Variants in LPAR3 observed in about 807,000 individuals in gnomAD.
LPAR3 encodes the protein LPA receptor 3.
A neutral mutation model predicts 17.8 loss-of-function variants in LPAR3; 7 were observed. The observed-to-expected ratio is 0.39, with a 90% CI of 0.22 to 0.74. LPAR3 has a LOEUF of 0.74. LPAR3 is among the 30% of genes least tolerant of loss of function. The probability of loss-of-function intolerance (pLI) is 0.40; values close to 1 mark genes in which losing one functional copy is unlikely to be tolerated. For missense variants in LPAR3, 391 were observed against 453.4 expected, an observed-to-expected ratio of 0.86 and a Z score of 1.25; for synonymous variants, 179 against 179.9, an observed-to-expected ratio of 0.99 and a Z score of 0.04.
intron 2 of LPAR3, among the ~76,000 whole-genome samples, chr1:84,826,004 G>A (rs528286475): frequency 6.6e-6 from 1 of 152,160 alleles, no homozygotes; most frequent in South Asian, 2.1e-4. Flanking sequence ...TGACTTTCCT[G>A]AGTGTAAGGT....
chr1:84,869,263 TAA>T (rs1273142417), intron 1 of LPAR3, among the ~76,000 whole-genome samples: 1 of 152,190 alleles, frequency 6.6e-6, no homozygotes, highest in Non-Finnish European at 1.5e-5. Context: ...CAAAACAGTT[TAA>T]GACATGTTTT....
At chr1:84,851,496 A>G (rs1659711684) in intron 2 of LPAR3, among the ~76,000 whole-genome samples, 1 of 152,246 alleles carries the variant, frequency 6.6e-6, no homozygotes, top group Non-Finnish European at 1.5e-5. Context: ...GTCGGGTAAG[A>G]GAGGCACTTA....
At chr1:84,853,872 T>C (rs1394212125) in intron 2 of LPAR3, among the ~76,000 whole-genome samples, 1 of 152,240 alleles carries the variant, frequency 6.6e-6, no homozygotes, top group Non-Finnish European at 1.5e-5. Context: ...AGCTGTGGGC[T>C]GAAGACTGGC....
At chr1:84,887,367 C>A (rs1437440880) in intron 1 of LPAR3, among the ~76,000 whole-genome samples, 3 of 149,328 alleles carry the variant, frequency 2.0e-5, no homozygotes, top group African/African-American at 5.0e-5. Context: ...CAGAGTGAGA[C>A]CTTGTCTTAA....
chr1:84,847,262 G>A (rs1489948015), intron 2 of LPAR3, among the ~76,000 whole-genome samples: 2 of 152,126 alleles, frequency 1.3e-5, no homozygotes, highest in East Asian at 3.9e-4. Flanking sequence ...CTTCTGAAAT[G>A]TTTGTGCCTG....
chr1:84,830,721 A>G (rs1334961234), intron 2 of LPAR3, among the ~76,000 whole-genome samples: 1 of 152,200 alleles, frequency 6.6e-6, no homozygotes, highest in South Asian at 2.1e-4. Context: ...GTCAGAGAGG[A>G]AACACAGAGG....
intron 2 of LPAR3, among the ~76,000 whole-genome samples, chr1:84,814,470 A>G (rs1208791921): frequency 1.3e-5 from 2 of 152,316 alleles, no homozygotes; most frequent in South Asian, 2.1e-4. Flanking sequence ...GTGCACATGC[A>G]TGATCTCCGT....
At chr1:84,815,739 G>C (rs1341925646) in intron 2 of LPAR3, among the ~76,000 whole-genome samples, 1 of 152,200 alleles carries the variant, frequency 6.6e-6, no homozygotes, top group African/African-American at 2.4e-5. Flanking sequence ...GTGAGGATCA[G>C]AGGTCATGGA....
At chr1:84,873,237 G>T (rs1209027207) in intron 1 of LPAR3, among the ~76,000 whole-genome samples, 4 of 152,138 alleles carry the variant, frequency 2.6e-5, no homozygotes, top group Non-Finnish European at 5.9e-5. Context: ...ATCCCTATCA[G>T]TTCATTAACT....
intron 2 of LPAR3, among the ~76,000 whole-genome samples, chr1:84,845,102 A>G (rs1307553199): frequency 1.3e-5 from 2 of 152,090 alleles, no homozygotes; most frequent in African/African-American, 4.8e-5. Context: ...AAATCTGGTA[A>G]CTCCTCCAGG....
chr1:84,889,144 G>A (rs1253195917), intron 1 of LPAR3, among the ~76,000 whole-genome samples: 5 of 152,060 alleles, frequency 3.3e-5, no homozygotes, highest in African/African-American at 1.2e-4. Context: ...GGGTGATGAA[G>A]AGAGGGGTGG....
intron 1 of LPAR3, 152 bp from the exon 2 acceptor site, chr1:84,866,290 G>A (rs1660048274): frequency 1.6e-6 from 1 of 625,628 alleles, no homozygotes; most frequent in Non-Finnish European, 2.8e-6. Flanking sequence ...CTTTGGTCCA[G>A]GACATAGCCC....
intron 1 of LPAR3, 36 bp from the exon 2 acceptor site, chr1:84,866,174 T>C: frequency 6.8e-7 from 1 of 1,476,916 alleles, no homozygotes; most frequent in Non-Finnish European, 9.1e-7. Flanking sequence ...AAATATCATT[T>C]GTAAAATCAG....
chr1:84,822,845 A>G (rs1395457538), intron 2 of LPAR3, among the ~76,000 whole-genome samples: 1 of 152,208 alleles, frequency 6.6e-6, no homozygotes, highest in African/African-American at 2.4e-5. Flanking sequence ...TTAATCAAAG[A>G]ACGTTGACAT....
chr1:84,820,356 T>G (rs375742142), intron 2 of LPAR3, among the ~76,000 whole-genome samples: 1 of 152,298 alleles, frequency 6.6e-6, no homozygotes. Flanking sequence ...CAGGTGAATG[T>G]GACTGAAATT....
intron 2 of LPAR3, among the ~76,000 whole-genome samples, chr1:84,831,380 C>T (rs1356419510): frequency 6.6e-6 from 1 of 152,054 alleles, no homozygotes; most frequent in Admixed American, 6.6e-5. Flanking sequence ...GGCTTGAGCC[C>T]AGGAGTTTGA....
intron 2 of LPAR3, among the ~76,000 whole-genome samples, chr1:84,854,409 G>T (rs1033035077): frequency 1.6e-4 from 24 of 152,202 alleles, no homozygotes; most frequent in African/African-American, 5.3e-4. Flanking sequence ...ATTTCTTTGT[G>T]CCTTCAGTTA....
At chr1:84,863,718 C>T (rs542124993) in intron 2 of LPAR3, among the ~76,000 whole-genome samples, 20 of 152,356 alleles carry the variant, frequency 1.3e-4, no homozygotes, top group African/African-American at 4.1e-4. Context: ...CTGAGTCAAA[C>T]ATCCAACTGT....
intron 1 of LPAR3, among the ~76,000 whole-genome samples, chr1:84,868,859 T>A (rs1467944123): frequency 6.6e-6 from 1 of 152,150 alleles, no homozygotes; most frequent in Non-Finnish European, 1.5e-5. Context: ...ATTTATTAAT[T>A]ACCTAAAGTA....
Sources: gnomAD v4.1 joint callset for allele counts (sites outside exome capture counted in the v4.1 genomes callset) on GRCh38, gnomAD v4.1.1 for gene constraint, MANE v1.5 for transcripts, NCBI Gene and HGNC (gene_info 2026-07-23, HGNC 2026-07-21) for gene names.